Variants in AKAP13 observed in about 807,000 individuals in gnomAD.
The protein encoded by AKAP13 is A-kinase anchor protein 13.
Under a neutral mutation model 264.5 loss-of-function variants are expected in AKAP13, and 80 were observed. That is an observed-to-expected ratio of 0.30 (90% CI 0.25 to 0.36). The LOEUF (loss-of-function observed/expected upper bound fraction) is 0.36. Ranked by LOEUF, AKAP13 falls within the 10% of genes least tolerant of loss-of-function variation. The probability of loss-of-function intolerance (pLI) is 1.00; values close to 1 mark genes in which losing one functional copy is unlikely to be tolerated. For synonymous variants in AKAP13, 1,380 were observed against 1,250.2 expected, an observed-to-expected ratio of 1.10 and a Z score of -2.19; for missense variants, 3,712 against 3,435.2, an observed-to-expected ratio of 1.08 and a Z score of -2.01.
At chr15:85,557,775 G>A (rs1275615540) in intron 5 of AKAP13, among the ~76,000 whole-genome samples, 2 of 152,120 alleles carry the variant, frequency 1.3e-5, no homozygotes, top group African/African-American at 4.8e-5. Flanking sequence ...ATGCCCACAC[G>A]ACAGAACCTC....
intron 17 of AKAP13, among the ~76,000 whole-genome samples, chr15:85,698,379 T>A (rs1184770100): frequency 7.0e-6 from 1 of 142,146 alleles, no homozygotes; most frequent in Non-Finnish European, 1.5e-5. Flanking sequence ...GCAGGAGAAT[T>A]GCTTGAACTT....
chr15:85,456,577 T>A (rs1596239566), intron 1 of AKAP13, among the ~76,000 whole-genome samples: 1 of 136,966 alleles, frequency 7.3e-6, no homozygotes, highest in East Asian at 2.1e-4. Context: ...TGAGACAGAG[T>A]CTTGCTCTGT....
chr15:85,427,510 T>C (rs1357503272), intron 1 of AKAP13, among the ~76,000 whole-genome samples: 3 of 152,138 alleles, frequency 2.0e-5, no homozygotes, highest in Non-Finnish European at 4.4e-5. Flanking sequence ...TTTGTAGTTG[T>C]GTGTGTGTGC....
intron 15 of AKAP13, chr15:85,683,435 G>C (rs7165537): frequency 6.6e-6 from 1 of 152,144 alleles, no homozygotes; most frequent in Admixed American, 6.6e-5. Flanking sequence ...CTATATAACG[G>C]ATTGTTTATT....
chr15:85,598,971 A>G (rs1297001164), intron 8 of AKAP13, among the ~76,000 whole-genome samples: 1 of 152,256 alleles, frequency 6.6e-6, no homozygotes, highest in Non-Finnish European at 1.5e-5. Context: ...GCTATGAAAC[A>G]GTTCCTGTCC....
At chr15:85,674,855 TATATGTGA>T (rs2084134722) in intron 14 of AKAP13, among the ~76,000 whole-genome samples, 2 of 146,562 alleles carry the variant, frequency 1.4e-5, no homozygotes, top group Middle Eastern at 3.5e-3. Context: ...TATATATGAA[TATATGTGA>T]ATATATATAT....
chr15:85,479,184 C>A (rs369176575), intron 1 of AKAP13, among the ~76,000 whole-genome samples: 1 of 152,210 alleles, frequency 6.6e-6, no homozygotes, highest in Non-Finnish European at 1.5e-5. Flanking sequence ...TCCTGGTCTT[C>A]TTCCGTTGTT....
chr15:85,677,663 T>G (rs1597023109), intron 14 of AKAP13, among the ~76,000 whole-genome samples: 1 of 144,536 alleles, frequency 6.9e-6, no homozygotes, highest in Non-Finnish European at 1.5e-5. Flanking sequence ...TTTTTTTTTT[T>G]GAGATGGAGA....
chr15:85,737,931 T>C (rs887031320), intron 33 of AKAP13, among the ~76,000 whole-genome samples: 1 of 152,106 alleles, frequency 6.6e-6, no homozygotes, highest in African/African-American at 2.4e-5. Context: ...GAGTCACTGC[T>C]CCTGGCCTTG....
intron 1 of AKAP13, among the ~76,000 whole-genome samples, chr15:85,462,774 C>T (rs1455066224): frequency 6.6e-6 from 1 of 151,916 alleles, no homozygotes; most frequent in Non-Finnish European, 1.5e-5. Flanking sequence ...CCTGTAATCC[C>T]AGCACTTTGG....
intron 1 of AKAP13, among the ~76,000 whole-genome samples, chr15:85,403,588 C>T (rs570928171): frequency 5.9e-5 from 9 of 152,202 alleles, no homozygotes; most frequent in African/African-American, 1.7e-4. Context: ...TGCCTGTAAT[C>T]CCAGCCCTTT....
intron 35 of AKAP13, among the ~76,000 whole-genome samples, chr15:85,741,827 T>G (rs2089023857): frequency 1.3e-5 from 2 of 152,042 alleles, no homozygotes; most frequent in Admixed American, 1.3e-4. Flanking sequence ...GGTGGATCTC[T>G]TGAGGCCAGG....
At chr15:85,641,442 T>C (rs1392908602) in intron 9 of AKAP13, among the ~76,000 whole-genome samples, 10 of 129,478 alleles carry the variant, frequency 7.7e-5, no homozygotes, top group South Asian at 5.2e-4. Context: ...CAAGACTCCA[T>C]CTCAAATAAA....
At chr15:85,558,819 A>C (rs1483261080) in intron 5 of AKAP13, among the ~76,000 whole-genome samples, 1 of 152,080 alleles carries the variant, frequency 6.6e-6, no homozygotes, top group Non-Finnish European at 1.5e-5. Flanking sequence ...TCTGTTATTT[A>C]AATTGGTAAT....
chr15:85,740,494 A>T, intron 34 of AKAP13: 1 of 535,246 alleles, frequency 1.9e-6, no homozygotes, highest in South Asian at 2.8e-5. Flanking sequence ...TGGCTTGATA[A>T]CCATGCTACA....
At chr15:85,397,582 C>A (rs1019960318) in intron 1 of AKAP13, among the ~76,000 whole-genome samples, 2 of 152,090 alleles carry the variant, frequency 1.3e-5, no homozygotes, top group Non-Finnish European at 2.9e-5. Flanking sequence ...TTATTGGGAA[C>A]CATTATTGAT....
intron 1 of AKAP13, among the ~76,000 whole-genome samples, chr15:85,418,064 T>C (rs1007812061): frequency 1.8e-4 from 22 of 125,520 alleles, no homozygotes; most frequent in Non-Finnish European, 3.0e-4. Flanking sequence ...TTATTATTAT[T>C]ATCATTATTA....
chr15:85,632,650 G>C (rs982620130), intron 8 of AKAP13, among the ~76,000 whole-genome samples: 1 of 152,102 alleles, frequency 6.6e-6, no homozygotes, highest in Non-Finnish European at 1.5e-5. Context: ...TTTACTTAAA[G>C]ATATGTAACT....
At position 85,542,962 on chromosome 15, in the gene AKAP13, C is replaced by A. The variant is rs184845487; in HGVS notation, c.479-810C>A. Reference sequence around the variant, plus strand: ...TGAAGTTCAGAGATGTTACATGAATCACGCTTGGTCACACAGATGGTAAAT... The same window carrying A: ...TGAAGTTCAGAGATGTTACATGAATAACGCTTGGTCACACAGATGGTAAAT... On this transcript the variant is annotated intron_variant, in intron 4 of 36. Transcript: ENST00000394518. Among the ~76,000 whole-genome samples, 3 of 152,314 alleles carry A rather than the reference C, an allele frequency of 2.0e-5. No homozygotes were observed. The East Asian group carries it at 5.8e-4, about 29-fold the overall frequency.
Sources: allele counts gnomAD v4.1 joint callset (sites outside exome capture counted in the v4.1 genomes callset), GRCh38; gene constraint gnomAD v4.1.1; transcripts MANE v1.5; gene names NCBI Gene and HGNC (gene_info 2026-07-23, HGNC 2026-07-21).